Variants in IFT81 observed in about 807,000 individuals in gnomAD.
IFT81 encodes intraflagellar transport 81.
IFT81 carries 72 observed loss-of-function variants against 102.6 expected under a neutral mutation model. The observed-to-expected ratio is 0.70, with a 90% CI of 0.58 to 0.85. IFT81 has a LOEUF of 0.85. Among genes scored for constraint, IFT81 ranks in the 40% least tolerant of loss-of-function variants. The pLI, the probability that IFT81 is intolerant of heterozygous loss-of-function variation, is 0.00. For missense variants in IFT81, 723 were observed against 787.3 expected, an observed-to-expected ratio of 0.92 and a Z score of 0.98; for synonymous variants, 237 against 242.7, an observed-to-expected ratio of 0.98 and a Z score of 0.22.
chr12:110,130,040 GC>G (rs1195560384), intron 4 of IFT81, among the ~76,000 whole-genome samples: 2 of 151,998 alleles, frequency 1.3e-5, no homozygotes, highest in East Asian at 3.9e-4. Flanking sequence ...TCTAATGTTA[GC>G]TCAATATTTG....
intron 14 of IFT81, among the ~76,000 whole-genome samples, chr12:110,201,972 A>G (rs1181540023): frequency 2.0e-5 from 3 of 152,168 alleles, no homozygotes; most frequent in Non-Finnish European, 4.4e-5. Flanking sequence ...TATTTTTTAT[A>G]AGTAAAAGCA....
intron 11 of IFT81, among the ~76,000 whole-genome samples, chr12:110,173,681 T>C (rs993036728): frequency 2.6e-5 from 4 of 152,210 alleles, no homozygotes; most frequent in Admixed American, 2.0e-4. Flanking sequence ...CCCTGTGCTC[T>C]CTGAAACATG....
chr12:110,161,340 G>GCTTTGTAT (rs1896123634), intron 10 of IFT81, among the ~76,000 whole-genome samples: 1 of 151,586 alleles, frequency 6.6e-6, no homozygotes, highest in Admixed American at 6.6e-5. Flanking sequence ...TAGAAACAGG[G>GCTTTGTAT]TTTTACCATG....
intron 11 of IFT81, among the ~76,000 whole-genome samples, chr12:110,177,715 G>GA (rs1566146327): frequency 6.6e-6 from 1 of 152,094 alleles, no homozygotes; most frequent in Non-Finnish European, 1.5e-5. Context: ...AAGTATTTTA[G>GA]AAAAAAATTA....
intron 11 of IFT81, among the ~76,000 whole-genome samples, chr12:110,173,401 C>G (rs1340710709): frequency 2.6e-5 from 4 of 151,790 alleles, no homozygotes; most frequent in Non-Finnish European, 4.4e-5. Flanking sequence ...CGCCTCTGCC[C>G]GGCCGCCCCT....
At chr12:110,182,010 G>C (rs377234388) in intron 12 of IFT81, among the ~76,000 whole-genome samples, 20 of 152,274 alleles carry the variant, frequency 1.3e-4, no homozygotes, top group East Asian at 1.2e-3. Context: ...CAAGGGGGCT[G>C]GCCTTTTGTA....
intron 11 of IFT81, among the ~76,000 whole-genome samples, chr12:110,179,870 A>G (rs1334013161): frequency 6.8e-6 from 1 of 147,320 alleles, no homozygotes; most frequent in Admixed American, 6.9e-5. Context: ...ATGTACATAT[A>G]ATGGGTCAAA....
rs368792138 is a variant in IFT81 at position 110,192,617 on chromosome 12, G to A, written c.1468G>A (p.Val490Met). ...GRTLDDMSEM[V>M]KKLYSLVSEK... is the part of the protein sequence containing the mutation. Reference sequence around the variant, plus strand: ...GTTATATTTTTTGTTCAAATAACAGGTGAAAAAACTGTATTCATTGGTATC... The same window carrying A: ...GTTATATTTTTTGTTCAAATAACAGATGAAAAAACTGTATTCATTGGTATC... Residue 490 changes from valine (V) to methionine (M), a missense_variant and splice_region_variant, in exon 14 of 19, where the codon GTG (valine) becomes ATG (methionine). Transcript: ENST00000242591. 1 of 1,514,314 alleles carries A rather than the reference G, an allele frequency of 6.6e-7. No homozygotes were observed. Among genetic ancestry groups the A allele is most frequent in the African/African-American group, 1.4e-5 (1 of 71,144 alleles). 93.8% of individuals were successfully genotyped at this position (1,514,314 alleles called of 1,614,324 possible).
intron 12 of IFT81, among the ~76,000 whole-genome samples, chr12:110,184,242 C>T (rs776959266): frequency 4.6e-5 from 7 of 151,844 alleles, no homozygotes; most frequent in Admixed American, 2.6e-4. Flanking sequence ...CCCAGCCACT[C>T]GGGAGGCTGA....
chr12:110,182,325 A>C (rs1050558659), intron 12 of IFT81, among the ~76,000 whole-genome samples: 10 of 152,186 alleles, frequency 6.6e-5, no homozygotes, highest in African/African-American at 2.4e-4. Context: ...TAGTGGGACA[A>C]ATGGAAACTC....
chr12:110,164,776 A>G (rs1896343907), intron 11 of IFT81, among the ~76,000 whole-genome samples: 1 of 152,206 alleles, frequency 6.6e-6, no homozygotes, highest in African/African-American at 2.4e-5. Flanking sequence ...GTTTTAAATG[A>G]TATCTGGAAG....
At chr12:110,205,734 GT>G in intron 17 of IFT81, 54 bp downstream of exon 17, 1 of 1,137,376 alleles carries the variant, frequency 8.8e-7, no homozygotes, top group Non-Finnish European at 1.3e-6. Context: ...ACCAATAAAA[GT>G]TTTATAAATA....
chr12:110,162,900 A>G lies in IFT81; in HGVS notation c.1042-19A>G. 1.9e-6 allele frequency: 3 copies of G among 1,584,008 alleles called. No individual in the cohort carries two copies. The highest frequency in any genetic ancestry group is 2.6e-6 in the Non-Finnish European group (3 of 1,163,994). On this transcript the variant is annotated intron_variant, in intron 10 of 18. Transcript: ENST00000242591. ...TGATTGTATATCTTATTATACCTTCATATTTAATGCTCAATCAGGCATCTA... is the reference window on the plus strand; with the variant it reads ...TGATTGTATATCTTATTATACCTTCGTATTTAATGCTCAATCAGGCATCTA...
At chr12:110,209,318 A>G (rs1331920353) in intron 18 of IFT81, 102 bp downstream of exon 18, 1 of 460,520 alleles carries the variant, frequency 2.2e-6, no homozygotes, top group African/African-American at 2.0e-5. Context: ...GTCATAGTAC[A>G]GTTTTTGAGG....
intron 17 of IFT81, among the ~76,000 whole-genome samples, chr12:110,206,262 A>G (rs1868610791): frequency 6.6e-6 from 1 of 152,138 alleles, no homozygotes; most frequent in South Asian, 2.1e-4. Context: ...TAGTCCTTAT[A>G]TGGTGCTTTT....
chr12:110,135,366 G>T lies in IFT81; in HGVS notation c.625G>T (p.Ala209Ser). ...GAATCATCAATGGATGCTTAAAATA[G>T]CAAGGCAACTTCGAGTTGAAAAAGA... is the stretch of plus-strand genomic sequence containing the variant. ...AQNHQWMLKI[A>S]RQLRVEKERE... Residue 209 changes from alanine (A) to serine (S), a missense_variant, in exon 7 of 19, where the codon GCA becomes TCA. Physicochemically the swap from Ala to Ser is moderately conservative, Grantham distance 99. Coordinates refer to ENST00000242591, the MANE Select transcript of IFT81 (RefSeq NM_014055.4). The T allele has an allele frequency of 6.2e-7, 1 of 1,613,350 alleles. No individual in the cohort carries two copies.
intron 13 of IFT81, among the ~76,000 whole-genome samples, chr12:110,191,355 G>A (rs1897788195): frequency 6.6e-6 from 1 of 151,904 alleles, no homozygotes; most frequent in Non-Finnish European, 1.5e-5. Flanking sequence ...ATTTTTAGTA[G>A]AGACAGGGTT....
At chr12:110,162,331 C>CTTTTTTTTTTTT (rs1160267123) in intron 10 of IFT81, 2 of 100,078 alleles carry the variant, frequency 2.0e-5, no homozygotes, top group African/African-American at 4.3e-5. Context: ...TAATATTTTT[C>CTTTTTTTTTTTT]TTTTTTTTTT....
chr12:110,139,800 CAATAA>C (rs1271952257), intron 8 of IFT81, among the ~76,000 whole-genome samples: 5 of 89,596 alleles, frequency 5.6e-5, no homozygotes, highest in South Asian at 6.5e-4. Flanking sequence ...TACATACATA[CAATAA>C]AATAAAATAA....
Sources: allele counts gnomAD v4.1 joint callset (sites outside exome capture counted in the v4.1 genomes callset), GRCh38; gene constraint gnomAD v4.1.1; transcripts MANE v1.5; gene names NCBI Gene and HGNC (gene_info 2026-07-23, HGNC 2026-07-21).